KCNQ5: variants seen among roughly 807,000 people sequenced by gnomAD.
KCNQ5 encodes potassium voltage-gated channel subfamily KQT member 5.
In KCNQ5, 30 loss-of-function variants were observed where a neutral mutation model predicts 98.2. That is an observed-to-expected ratio of 0.31 (90% CI 0.23 to 0.41). The LOEUF (loss-of-function observed/expected upper bound fraction) is 0.41, where lower values mean the gene tolerates loss of function less well. Ranked by LOEUF, KCNQ5 falls within the 10% of genes least tolerant of loss-of-function variation. The pLI, the probability that KCNQ5 is intolerant of heterozygous loss-of-function variation, is 1.00. For missense variants in KCNQ5, 835 were observed against 1,182.5 expected (o/e 0.71, Z 4.31); for synonymous variants, 458 against 449.4 (o/e 1.02, Z -0.24).
intron 1 of KCNQ5, among the ~76,000 whole-genome samples, chr6:72,699,481 T>C (rs982375986): frequency 6.6e-6 from 1 of 152,176 alleles, no homozygotes; most frequent in Non-Finnish European, 1.5e-5. Flanking sequence ...ACCTCCAGAA[T>C]GAATTATTTA....
chr6:73,075,906 G>A (rs190883549), intron 3 of KCNQ5, among the ~76,000 whole-genome samples: 4 of 152,244 alleles, frequency 2.6e-5, no homozygotes, highest in East Asian at 1.9e-4. Flanking sequence ...TTAGCCAGGC[G>A]TGTTGGTGCA....
intron 12 of KCNQ5, among the ~76,000 whole-genome samples, 155 bp downstream of exon 12, chr6:73,190,859 T>A (rs1207121269): frequency 5.3e-5 from 8 of 152,228 alleles, no homozygotes; most frequent in Admixed American, 5.2e-4. Context: ...TTTATTTTGC[T>A]TTTAACATAG....
intron 3 of KCNQ5, among the ~76,000 whole-genome samples, chr6:73,053,664 T>C (rs1772339476): frequency 6.6e-6 from 1 of 152,128 alleles, no homozygotes; most frequent in African/African-American, 2.4e-5. Flanking sequence ...AGAACAAAGA[T>C]ACTACATACC....
intron 10 of KCNQ5, among the ~76,000 whole-genome samples, chr6:73,163,568 G>A (rs1389675374): frequency 6.6e-5 from 10 of 152,212 alleles, no homozygotes; most frequent in South Asian, 2.1e-4. Context: ...CCAACATGGC[G>A]AAACCCCGTC....
At position 73,194,724 on chromosome 6, in the gene KCNQ5, C is replaced by T. The variant is rs746516968; in HGVS notation, c.2109C>T (p.Tyr703=). 42 of 1,614,132 alleles carry T rather than the reference C, an allele frequency of 2.6e-5. No homozygotes were observed. The highest frequency in any genetic ancestry group is 3.4e-5 in the Non-Finnish European group (40 of 1,180,058). Residue 703 remains tyrosine (Y), a synonymous_variant, in exon 14 of 14, where the codon TAC becomes TAT. Coordinates refer to ENST00000370398, the MANE Select transcript of KCNQ5 (RefSeq NM_019842.4). The part of the protein sequence containing the change: ...TPNEFSAQTF[Y]ALSPTMHSQA... ...ATGAGTTCAGTGCCCAGACTTTCTACGCGCTTAGCCCTACTATGCACAGTC... is the reference window on the plus strand; with the variant it reads ...ATGAGTTCAGTGCCCAGACTTTCTATGCGCTTAGCCCTACTATGCACAGTC...
At chr6:72,910,409 T>G (rs997668338) in intron 1 of KCNQ5, among the ~76,000 whole-genome samples, 3 of 152,172 alleles carry the variant, frequency 2.0e-5, no homozygotes, top group African/African-American at 4.8e-5. Flanking sequence ...ATAATGCTTA[T>G]ATTGAATATT....
At chr6:72,662,796 G>T (rs990952014) in intron 1 of KCNQ5, among the ~76,000 whole-genome samples, 6 of 152,086 alleles carry the variant, frequency 3.9e-5, no homozygotes, top group African/African-American at 1.4e-4. Context: ...AGAAAAACAA[G>T]GCTATTTTGA....
chr6:73,022,387 A>C (rs1770647377), intron 2 of KCNQ5, among the ~76,000 whole-genome samples: 1 of 152,150 alleles, frequency 6.6e-6, no homozygotes, highest in Non-Finnish European at 1.5e-5. Flanking sequence ...TATGCCTATA[A>C]TCCCAGCAAC....
intron 3 of KCNQ5, 99 bp downstream of exon 3, chr6:73,042,161 C>T: frequency 7.1e-7 from 1 of 1,404,668 alleles, no homozygotes; most frequent in African/African-American, 1.4e-5. Context: ...AGCTAACATC[C>T]ATGGAGTACT....
At chr6:73,124,980 TAC>T (rs150667060) in intron 9 of KCNQ5, among the ~76,000 whole-genome samples, 894 of 22,558 alleles carry the variant, frequency 0.04, 17 homozygotes, top group Non-Finnish European at 0.04. Flanking sequence ...TATATATATA[TAC>T]ACACACACAC....
At chr6:72,696,437 A>C (rs962349254) in intron 1 of KCNQ5, among the ~76,000 whole-genome samples, 2 of 152,218 alleles carry the variant, frequency 1.3e-5, no homozygotes, top group Non-Finnish European at 2.9e-5. Context: ...ATTTTTACAC[A>C]ATCTGTTTCC....
intron 1 of KCNQ5, among the ~76,000 whole-genome samples, chr6:72,798,433 A>G (rs1774455837): frequency 6.6e-6 from 1 of 152,202 alleles, no homozygotes; most frequent in Non-Finnish European, 1.5e-5. Context: ...TGAGTTAGTC[A>G]TCAGAAGAGT....
intron 1 of KCNQ5, among the ~76,000 whole-genome samples, chr6:72,970,446 A>G (rs1325539980): frequency 1.3e-5 from 2 of 152,206 alleles, no homozygotes; most frequent in Admixed American, 1.3e-4. Context: ...TTCAATGCTG[A>G]TACAATAATC....
At chr6:72,985,039 C>A (rs1768696363) in intron 1 of KCNQ5, among the ~76,000 whole-genome samples, 1 of 152,088 alleles carries the variant, frequency 6.6e-6, no homozygotes, top group Admixed American at 6.5e-5. Flanking sequence ...ACTGTCACTA[C>A]AAAAATTTTT....
rs745317041 is a variant in KCNQ5, at chr6:72,812,594, A to G, written c.398+190007A>G. Among the ~76,000 whole-genome samples the G allele has an allele frequency of 1.8e-4, 27 of 152,306 alleles. No homozygotes were observed. The Middle Eastern group carries it at 0.01, about 58-fold the overall frequency. The stretch of plus-strand genomic sequence containing the variant: ...ATTGCCATGATAAAAATCAGTGAGA[A>G]AGAGCTAAGTGCCACTTTTGTATGA... On this transcript the variant is annotated intron_variant, in intron 1 of 13. Coordinates refer to ENST00000370398, the MANE Select transcript of KCNQ5 (RefSeq NM_019842.4).
intron 1 of KCNQ5, among the ~76,000 whole-genome samples, chr6:72,850,694 C>G (rs549582435): frequency 2.6e-5 from 4 of 152,132 alleles, no homozygotes; most frequent in Non-Finnish European, 5.9e-5. Context: ...ATAGCTGGAG[C>G]TTCTCTAAAC....
intron 1 of KCNQ5, among the ~76,000 whole-genome samples, chr6:72,822,821 A>G (rs1235682617): frequency 6.6e-6 from 1 of 152,196 alleles, no homozygotes; most frequent in Non-Finnish European, 1.5e-5. Flanking sequence ...AATCAAGGTG[A>G]ATGCAGAGCT....
At chr6:72,901,588 C>T (rs1320498441) in intron 1 of KCNQ5, among the ~76,000 whole-genome samples, 1 of 152,156 alleles carries the variant, frequency 6.6e-6, no homozygotes. Flanking sequence ...ATCCCAGCAC[C>T]ATTTGTTGAA....
intron 1 of KCNQ5, among the ~76,000 whole-genome samples, chr6:72,738,297 T>C (rs1469476390): frequency 6.6e-6 from 1 of 152,160 alleles, no homozygotes; most frequent in Non-Finnish European, 1.5e-5. Context: ...CCTCAGGCCC[T>C]TGTGACCTCA....
Sources: gnomAD v4.1 joint callset for allele counts (sites outside exome capture counted in the v4.1 genomes callset) on GRCh38, gnomAD v4.1.1 for gene constraint, MANE v1.5 for transcripts, NCBI Gene and HGNC (gene_info 2026-07-23, HGNC 2026-07-21) for gene names.